SNTG1: variants seen among roughly 807,000 people sequenced by gnomAD.
SNTG1 encodes the protein gamma-1-syntrophin.
In SNTG1, 39 loss-of-function variants were observed where a neutral mutation model predicts 74.7. The ratio of observed to expected loss-of-function variants is 0.52; its 90% confidence interval spans 0.40 to 0.68. SNTG1 has a LOEUF of 0.68. Ranked by LOEUF, SNTG1 falls within the 30% of genes least tolerant of loss-of-function variation. The pLI is 0.00. For synonymous variants in SNTG1, 254 were observed against 217.1 expected, an observed-to-expected ratio of 1.17 and a Z score of -1.49; for missense variants, 685 against 609.5, an observed-to-expected ratio of 1.12 and a Z score of -1.30.
At chr8:50,264,073 C>A (rs1475158309) in intron 2 of SNTG1, among the ~76,000 whole-genome samples, 3 of 152,066 alleles carry the variant, frequency 2.0e-5, no homozygotes, top group Non-Finnish European at 4.4e-5. Flanking sequence ...ATTAAGCATT[C>A]TCGAATAAAC....
chr8:50,057,110 A>G (rs2130913111), intron 1 of SNTG1, among the ~76,000 whole-genome samples: 1 of 152,296 alleles, frequency 6.6e-6, no homozygotes, highest in South Asian at 2.1e-4. Flanking sequence ...TATAGTTACT[A>G]AGAAATAAAT....
At chr8:50,541,615 A>G (rs2094347672) in intron 11 of SNTG1, among the ~76,000 whole-genome samples, 1 of 152,166 alleles carries the variant, frequency 6.6e-6, no homozygotes, top group African/African-American at 2.4e-5. Flanking sequence ...AAGTTAGTAT[A>G]CTTACAATAT....
chr8:50,424,383 G>A (rs1472098662), intron 4 of SNTG1, among the ~76,000 whole-genome samples: 2 of 152,184 alleles, frequency 1.3e-5, no homozygotes, highest in Non-Finnish European at 2.9e-5. Flanking sequence ...AAGCTCCTCA[G>A]CATCTGTAAG....
chr8:50,510,854 T>A (rs1441668291), intron 9 of SNTG1, among the ~76,000 whole-genome samples: 1 of 152,162 alleles, frequency 6.6e-6, no homozygotes, highest in Non-Finnish European at 1.5e-5. Context: ...TGTTGATATT[T>A]TCAAAAAACC....
chr8:50,118,279 G>A (rs556482918), intron 1 of SNTG1, among the ~76,000 whole-genome samples: 2 of 151,594 alleles, frequency 1.3e-5, no homozygotes, highest in South Asian at 2.1e-4. Flanking sequence ...ACTCCAAGAA[G>A]CAACAGTTCA....
chr8:50,420,988 G>A (rs2093075087), intron 4 of SNTG1, among the ~76,000 whole-genome samples: 1 of 127,256 alleles, frequency 7.9e-6, no homozygotes, highest in Non-Finnish European at 1.6e-5. Flanking sequence ...CTATACCACT[G>A]CACTCCAGCC....
chr8:50,324,218 A>T (rs1240273657), intron 2 of SNTG1, among the ~76,000 whole-genome samples: 1 of 152,026 alleles, frequency 6.6e-6, no homozygotes, highest in Admixed American at 6.6e-5. Flanking sequence ...GCTAATCCCA[A>T]TATGGTTTTA....
chr8:50,572,212 C>A (rs1368756086), intron 12 of SNTG1, among the ~76,000 whole-genome samples: 1 of 151,638 alleles, frequency 6.6e-6, no homozygotes, highest in African/African-American at 2.4e-5. Context: ...ATACTCGTCT[C>A]AGAGACTTAG....
chr8:50,478,127 A>G (rs184320720), intron 8 of SNTG1, among the ~76,000 whole-genome samples: 25 of 152,178 alleles, frequency 1.6e-4, no homozygotes, highest in Non-Finnish European at 5.9e-5. Context: ...TTTCATATTC[A>G]TCTGGCATAT....
intron 13 of SNTG1, among the ~76,000 whole-genome samples, chr8:50,600,738 C>T (rs2094766905): frequency 6.6e-6 from 1 of 151,644 alleles, no homozygotes; most frequent in Non-Finnish European, 1.5e-5. Flanking sequence ...TAAAAAACAA[C>T]TTTTCACTTT....
chr8:50,462,796 CTTTTTTTTTTT>C (rs869119447), intron 8 of SNTG1, among the ~76,000 whole-genome samples: 3 of 57,412 alleles, frequency 5.2e-5, no homozygotes, highest in Non-Finnish European at 7.2e-5. Flanking sequence ...AGGTTCTACT[CTTTTTTTTTTT>C]TTTTTTTTTT....
intron 1 of SNTG1, among the ~76,000 whole-genome samples, chr8:49,994,169 A>G (rs148158236): frequency 2.6e-5 from 4 of 152,222 alleles, no homozygotes; most frequent in African/African-American, 4.8e-5. Context: ...TCGTCTTAGT[A>G]TAATTGAGAC....
chr8:50,524,411 C>A lies in SNTG1; in HGVS notation c.467-5766C>A, dbSNP rs373669543. ...ATTATTTTCTATTAAAAATAAGTCACCTAGGCAAGAAATAATCATGTTAAT... is the reference window on the plus strand; with the variant it reads ...ATTATTTTCTATTAAAAATAAGTCAACTAGGCAAGAAATAATCATGTTAAT... On this transcript the variant is annotated intron_variant, in intron 9 of 18. Transcript: ENST00000642720. Among the ~76,000 whole-genome samples the A allele has an allele frequency of 6.6e-5, 10 of 152,074 alleles. No homozygotes were observed. In the South Asian group the frequency reaches 1.0e-3, roughly 16 times the overall value.
intron 1 of SNTG1, among the ~76,000 whole-genome samples, chr8:49,918,502 C>G (rs573237433): frequency 1.3e-5 from 2 of 152,148 alleles, no homozygotes; most frequent in African/African-American, 4.8e-5. Context: ...TGTGCCTACT[C>G]ATATGTGTAA....
chr8:50,650,260 C>T (rs1345601060), intron 13 of SNTG1, among the ~76,000 whole-genome samples: 3 of 151,774 alleles, frequency 2.0e-5, no homozygotes, highest in Non-Finnish European at 4.4e-5. Context: ...TGATTTTAAT[C>T]CTTCATTTGG....
chr8:50,275,035 T>A (rs545460597), intron 2 of SNTG1, among the ~76,000 whole-genome samples: 24 of 152,272 alleles, frequency 1.6e-4, no homozygotes, highest in African/African-American at 5.1e-4. Context: ...TCCTTTTTTT[T>A]ATAATTCTTT....
chr8:50,377,584 T>A (rs1006431366), intron 2 of SNTG1, among the ~76,000 whole-genome samples: 2 of 152,300 alleles, frequency 1.3e-5, no homozygotes, highest in East Asian at 3.9e-4. Flanking sequence ...AGACTTTTTT[T>A]ATAGCATATT....
At chr8:49,973,445 A>G (rs560552578) in intron 1 of SNTG1, among the ~76,000 whole-genome samples, 1 of 152,116 alleles carries the variant, frequency 6.6e-6, no homozygotes, top group African/African-American at 2.4e-5. Flanking sequence ...GCACACCAAC[A>G]TGGCACATGT....
intron 13 of SNTG1, among the ~76,000 whole-genome samples, chr8:50,619,777 G>C (rs1209494363): frequency 1.3e-5 from 2 of 148,356 alleles, no homozygotes; most frequent in Non-Finnish European, 3.0e-5. Context: ...CCAGGAATCA[G>C]AGTCAGTTGC....
Sources: allele counts gnomAD v4.1 joint callset (sites outside exome capture counted in the v4.1 genomes callset), GRCh38; gene constraint gnomAD v4.1.1; transcripts MANE v1.5; gene names NCBI Gene and HGNC (gene_info 2026-07-23, HGNC 2026-07-21).